C3orf52: variants seen among roughly 807,000 people sequenced by gnomAD.
C3orf52 encodes the protein chromosome 3 open reading frame 52.
In C3orf52, 22 loss-of-function variants were observed where a neutral mutation model predicts 24.8. That is an observed-to-expected ratio of 0.89 (90% CI 0.63 to 1.27). The LOEUF (loss-of-function observed/expected upper bound fraction) is 1.27. Ranked by LOEUF, C3orf52 falls within the 50% of genes most tolerant of loss-of-function variation. The pLI, the probability that C3orf52 is intolerant of heterozygous loss-of-function variation, is 0.00. For synonymous variants in C3orf52, 93 were observed against 100.2 expected (o/e 0.93, Z 0.43); for missense variants, 265 against 260.7 (o/e 1.02, Z -0.11).
chr3:112,104,275 G>C (rs978203411), intron 3 of C3orf52, among the ~76,000 whole-genome samples: 2 of 152,124 alleles, frequency 1.3e-5, no homozygotes, highest in East Asian at 3.9e-4. Context: ...GGACCGTTGG[G>C]TGGGGCATCC....
At chr3:112,090,879 G>A (rs747640044) in intron 1 of C3orf52, among the ~76,000 whole-genome samples, 1 of 152,198 alleles carries the variant, frequency 6.6e-6, no homozygotes, top group Non-Finnish European at 1.5e-5. Flanking sequence ...CAGGAGCTCT[G>A]TAAATGGGGA....
exon 5 of C3orf52, chr3:112,128,589 G>A (rs1420746105): frequency 9.0e-6 from 2 of 221,410 alleles, no homozygotes; most frequent in Admixed American, 5.1e-5. Context: ...TCCAGTCTAT[G>A]ACACAACATC....
At chr3:112,091,225 A>G (rs900435849) in intron 1 of C3orf52, among the ~76,000 whole-genome samples, 1 of 152,194 alleles carries the variant, frequency 6.6e-6, no homozygotes, top group African/African-American at 2.4e-5. Flanking sequence ...ACAGCCCACA[A>G]TCGTTAAATG....
chr3:112,111,174 A>T (rs1390527058), intron 4 of C3orf52, among the ~76,000 whole-genome samples: 1 of 152,208 alleles, frequency 6.6e-6, no homozygotes, highest in Non-Finnish European at 1.5e-5. Context: ...GCACCATTGC[A>T]CTCCAGCCTG....
intron 2 of C3orf52, among the ~76,000 whole-genome samples, chr3:112,101,671 A>G (rs1446778019): frequency 2.6e-5 from 4 of 152,194 alleles, no homozygotes; most frequent in African/African-American, 7.2e-5. Context: ...TCGTATTTCC[A>G]GATGTCATCA....
chr3:112,120,446 T>G (rs2074176717), downstream of C3orf52, among the ~76,000 whole-genome samples: 2 of 152,236 alleles, frequency 1.3e-5, no homozygotes, highest in Admixed American at 1.3e-4. Flanking sequence ...CTTCCTATTT[T>G]TCTCTTCTGT....
At chr3:112,090,139 T>G (rs1415949410) in intron 1 of C3orf52, among the ~76,000 whole-genome samples, 4 of 152,134 alleles carry the variant, frequency 2.6e-5, no homozygotes, top group African/African-American at 9.7e-5. Flanking sequence ...ACCTACTGTG[T>G]CACAGGCTCT....
chr3:112,100,442 T>C (rs1159830094), intron 2 of C3orf52, among the ~76,000 whole-genome samples: 1 of 152,242 alleles, frequency 6.6e-6, no homozygotes, highest in African/African-American at 2.4e-5. Flanking sequence ...AAGCCTGTCG[T>C]TGTTACTATT....
downstream of C3orf52, chr3:112,133,882 A>C (rs2074517935): frequency 6.6e-6 from 1 of 152,204 alleles, no homozygotes; most frequent in Non-Finnish European, 1.5e-5. Context: ...TTCACTGGCA[A>C]AGGTCCCACC....
chr3:112,109,661 T>G, intron 4 of C3orf52, 48 bp downstream of exon 4: 3 of 1,139,012 alleles, frequency 2.6e-6, no homozygotes, highest in Non-Finnish European at 3.9e-6. Flanking sequence ...TGGAAAGAGA[T>G]CCCCCCACCC....
intron 2 of C3orf52, among the ~76,000 whole-genome samples, chr3:112,096,566 A>T (rs927621608): frequency 6.6e-6 from 1 of 152,238 alleles, no homozygotes; most frequent in Non-Finnish European, 1.5e-5. Flanking sequence ...GATTAATCAG[A>T]AGTTAATACA....
chr3:112,105,164 C>T (rs2074011720), intron 3 of C3orf52, among the ~76,000 whole-genome samples: 1 of 152,204 alleles, frequency 6.6e-6, no homozygotes, highest in East Asian at 1.9e-4. Flanking sequence ...GGTGGGTCCA[C>T]AGATTTCTTT....
chr3:112,091,870 G>A (rs1324303790), intron 1 of C3orf52, among the ~76,000 whole-genome samples: 1 of 152,184 alleles, frequency 6.6e-6, no homozygotes, highest in African/African-American at 2.4e-5. Context: ...CGGGCGTGGT[G>A]GCGGGCGCCT....
In C3orf52 at chr3:112,117,025, A is replaced by G; in HGVS notation, c.*379A>G. 8.8e-7 allele frequency: 1 copy of G among 1,136,532 alleles called. No individual in the cohort carries two copies. 70.4% of individuals were successfully genotyped at this position (1,136,532 alleles called of 1,614,324 possible). A position where few individuals can be genotyped will look rare whatever the true frequency, so the allele number is the denominator to read the frequency against. The stretch of plus-strand genomic sequence containing the variant: ...TGGAGTGCGGTGGCGTGATCATGGC[A>G]CTGCTATTCTTGAAGCACTCCACCC... On this transcript the variant is annotated 3_prime_UTR_variant, in exon 6 of 6. Coordinates refer to ENST00000264848, the MANE Select transcript of C3orf52 (RefSeq NM_024616.3).
intron 1 of C3orf52, among the ~76,000 whole-genome samples, chr3:112,091,689 T>C (rs2073878166): frequency 6.6e-6 from 1 of 151,528 alleles, no homozygotes; most frequent in Non-Finnish European, 1.5e-5. Context: ...ATTCGTTTTC[T>C]GATGGCCAGC....
At chr3:112,119,456 C>A, downstream of C3orf52, 2 of 702,846 alleles carry the variant, frequency 2.8e-6, no homozygotes, top group Non-Finnish European at 5.2e-6. Flanking sequence ...AATCAGAGGA[C>A]GTTTTTTTGT....
At chr3:112,093,244 TG>T in intron 1 of C3orf52, 115 bp from the exon 2 acceptor site, 1 of 995,544 alleles carries the variant, frequency 1.0e-6, no homozygotes, top group Middle Eastern at 2.2e-4. Flanking sequence ...AGTAGAGTGT[TG>T]CCCTAAGGTC....
intron 3 of C3orf52, among the ~76,000 whole-genome samples, chr3:112,106,040 G>A (rs1293030560): frequency 2.6e-5 from 4 of 152,052 alleles, no homozygotes; most frequent in Admixed American, 2.6e-4. Context: ...TACATAGGGC[G>A]GACACGTGGG....
At position 112,086,432 on chromosome 3, in the gene C3orf52, C is replaced by G. The variant is rs2073825672; in HGVS notation, c.25C>G (p.Pro9Ala). The change falls in exon 1 of 6, where the codon CCA becomes GCA. Residue 9 changes from proline to alanine, a missense_variant. Coordinates refer to ENST00000264848, the MANE Select transcript of C3orf52 (RefSeq NM_024616.3). Reference sequence around the variant, plus strand: ...CATGGACCTGGCCCAACCCTCACAGCCAGTAGACGAGCTGGAGCTCTCGGT... The same window carrying G: ...CATGGACCTGGCCCAACCCTCACAGGCAGTAGACGAGCTGGAGCTCTCGGT... MDLAQPSQ[P>A]VDELELSVLE... is the part of the protein sequence containing the mutation. 3.2e-6 allele frequency: 5 copies of G among 1,550,762 alleles called. No individual in the cohort carries two copies. The highest frequency in any genetic ancestry group is 1.2e-5 in the South Asian group (1 of 83,960).
Sources: allele counts gnomAD v4.1 joint callset (sites outside exome capture counted in the v4.1 genomes callset), GRCh38; gene constraint gnomAD v4.1.1; transcripts MANE v1.5; gene names NCBI Gene and HGNC (gene_info 2026-07-23, HGNC 2026-07-21).